The following SERPINB12 variants were observed in gnomAD, a reference collection of about 807,000 sequenced individuals.
SERPINB12 encodes the protein serpin B12.
A neutral mutation model predicts 41.1 loss-of-function variants in SERPINB12; 57 were observed. The observed-to-expected ratio is 1.39, with a 90% confidence interval of 1.12 to 1.73. The LOEUF is 1.73. Ranked by LOEUF, SERPINB12 falls within the 40% of genes most tolerant of loss-of-function variation. SERPINB12 has a pLI of 0.00. For missense variants in SERPINB12, 536 were observed against 501.9 expected (o/e 1.07, Z -0.65); for synonymous variants, 180 against 181.3 (o/e 0.99, Z 0.06).
At chr18:63,533,133 A>T in the SERPINB12 span, among the ~76,000 whole-genome samples, 1 of 152,038 alleles carries the variant, frequency 6.6e-6, no homozygotes, top group Non-Finnish European at 1.5e-5. Context: ...GCCCACCACC[A>T]TGCCTGGCTA....
rs989434055 is a variant in SERPINB12, at chr18:63,568,448, T to C, written c.*1437T>C. ...CTGAAACCCTTGTCAAGAAGGCCAT[T>C]GGGCTCATCTCAAGCTCTAGTCTAC... On this transcript the variant is annotated 3_prime_UTR_variant, in exon 8 of 8. Transcript: ENST00000382768. 2.0e-5 allele frequency among the ~76,000 whole-genome samples: 3 copies of C among 152,086 alleles called. No homozygotes were observed. The highest frequency in any genetic ancestry group is 7.2e-5 in the African/African-American group (3 of 41,428).
At chr18:63,526,527 A>C in the SERPINB12 span, among the ~76,000 whole-genome samples, 2 of 152,350 alleles carry the variant, frequency 1.3e-5, no homozygotes, top group Admixed American at 1.3e-4. Context: ...ATAGTAAAAT[A>C]AAATCATGAC....
chr18:63,525,441 A>G, the SERPINB12 span, among the ~76,000 whole-genome samples: 1 of 152,132 alleles, frequency 6.6e-6, no homozygotes, highest in African/African-American at 2.4e-5. Flanking sequence ...TTTTAGAAAC[A>G]TAGCTTCTCA....
chr18:63,548,431 C>T (rs1157350176), intron 1 of SERPINB12, among the ~76,000 whole-genome samples: 1 of 151,844 alleles, frequency 6.6e-6, no homozygotes, highest in African/African-American at 2.4e-5. Flanking sequence ...AAATACATTA[C>T]CCTCAAGGTT....
chr18:63,542,124 A>C (rs1465139301), upstream of SERPINB12, among the ~76,000 whole-genome samples: 1 of 152,150 alleles, frequency 6.6e-6, no homozygotes, highest in East Asian at 1.9e-4. Flanking sequence ...AGGGACAGAG[A>C]TATGACACTT....
At chr18:63,542,105 G>A (rs1301624824), upstream of SERPINB12, among the ~76,000 whole-genome samples, 1 of 152,116 alleles carries the variant, frequency 6.6e-6, no homozygotes, top group East Asian at 1.9e-4. Flanking sequence ...AAGTTGTTTA[G>A]GGAGAATAAG....
intron 7 of SERPINB12, among the ~76,000 whole-genome samples, chr18:63,566,349 G>A (rs1317935090): frequency 1.3e-5 from 2 of 152,092 alleles, no homozygotes; most frequent in African/African-American, 4.8e-5. Flanking sequence ...TCAACTAATC[G>A]ACTGAGCTTT....
chr18:63,540,293 C>T (rs1489787254), upstream of SERPINB12, among the ~76,000 whole-genome samples: 1 of 152,178 alleles, frequency 6.6e-6, no homozygotes, highest in African/African-American at 2.4e-5. Flanking sequence ...AAAGGCAGTA[C>T]ATTCCATGCA....
At chr18:63,549,731 A>G (rs1413018921) in intron 1 of SERPINB12, among the ~76,000 whole-genome samples, 1 of 152,032 alleles carries the variant, frequency 6.6e-6, no homozygotes, top group Non-Finnish European at 1.5e-5. Context: ...CCTGAGATGG[A>G]CTCTCAGTGC....
rs1911158722 is a variant in SERPINB12 at position 63,567,679 on chromosome 18, C to T, written c.*668C>T. Among the ~76,000 whole-genome samples the T allele has an allele frequency of 6.6e-6, 1 of 152,214 alleles. No individual in the cohort carries two copies. Among genetic ancestry groups the T allele is most frequent in the African/African-American group, 2.4e-5 (1 of 41,460 alleles). On this transcript the variant is annotated 3_prime_UTR_variant, in exon 8 of 8. Transcript: ENST00000382768. ...AATGATATTTGTCTTGTGATTTTGACACTGACCCAGGAAAGTGGCTAGTGG... is the reference window on the plus strand; with the variant it reads ...AATGATATTTGTCTTGTGATTTTGATACTGACCCAGGAAAGTGGCTAGTGG...
chr18:63,561,045 G>A, intron 4 of SERPINB12, 40 bp from the exon 5 acceptor site: 2 of 1,334,882 alleles, frequency 1.5e-6, no homozygotes, highest in Non-Finnish European at 1.1e-6. Flanking sequence ...ATCACTGCCT[G>A]ACTTTATTGC....
At chr18:63,524,634 G>A in the SERPINB12 span, among the ~76,000 whole-genome samples, 9 of 151,926 alleles carry the variant, frequency 5.9e-5, no homozygotes, top group Non-Finnish European at 1.2e-4. Context: ...CATTTGCAAC[G>A]TGCTCAGAAC....
In SERPINB12 at chr18:63,566,706, G is replaced by T. The variant is rs374065223; in HGVS notation, c.973G>T (p.Glu325Ter). The change falls in exon 8 of 8, where the codon GAA (glutamate) becomes TAA (stop). Residue 325 changes from glutamate to a stop codon, truncating the protein, a stop_gained. Coordinates refer to ENST00000382768, the MANE Select transcript of SERPINB12 (RefSeq NM_001307928.2). LOFTEE classifies it high-confidence loss of function. ...VVLSFPRFTL[E>*]DSYDLNSILQ... The stretch of plus-strand genomic sequence containing the variant: ...CCTGTCCTTCCCCCGGTTCACCCTG[G>T]AAGACAGCTATGATCTCAATTCCAT... 1.9e-6 allele frequency: 3 copies of T among 1,614,034 alleles called. No individual in the cohort carries two copies. The highest frequency in any genetic ancestry group is 2.7e-5 in the African/African-American group (2 of 74,910).
chr18:63,523,255 A>G, the SERPINB12 span, among the ~76,000 whole-genome samples: 1 of 152,242 alleles, frequency 6.6e-6, no homozygotes, highest in Non-Finnish European at 1.5e-5. Flanking sequence ...AGAAGCAAAT[A>G]TAGACAGTCA....
rs186968713 is a variant in SERPINB12, at chr18:63,567,312, A to G, written c.*301A>G. Among the ~76,000 whole-genome samples the G allele has an allele frequency of 3.3e-5, 5 of 152,344 alleles. No homozygotes were observed. Among genetic ancestry groups the G allele is most frequent in the Admixed American group, 3.3e-4 (5 of 15,304 alleles). On this transcript the variant is annotated 3_prime_UTR_variant, in exon 8 of 8. Coordinates refer to ENST00000382768, the MANE Select transcript of SERPINB12 (RefSeq NM_001307928.2). ...TACCTCCTTTTGAAGGAATCCTAAA[A>G]GTTCAGGTCATTAGACCATTTCTAA... is the stretch of plus-strand genomic sequence containing the variant.
chr18:63,550,832 T>C (rs1052922324), intron 1 of SERPINB12, among the ~76,000 whole-genome samples: 7 of 152,298 alleles, frequency 4.6e-5, no homozygotes, highest in African/African-American at 1.7e-4. Flanking sequence ...CTTTTGTGTT[T>C]TGGGAGACAG....
At chr18:63,533,442 G>A in the SERPINB12 span, among the ~76,000 whole-genome samples, 1 of 152,136 alleles carries the variant, frequency 6.6e-6, no homozygotes, top group South Asian at 2.1e-4. Context: ...GAACAAATAT[G>A]GCACCCAATT....
At chr18:63,539,267 C>T (rs4462702), upstream of SERPINB12, among the ~76,000 whole-genome samples, 140,744 of 152,198 alleles carry the variant, frequency 0.92, 65,203 homozygotes, top group African/African-American at 0.98. Context: ...GAAAGCATGG[C>T]CTCTATATTC....
At chr18:63,533,298 C>T in the SERPINB12 span, among the ~76,000 whole-genome samples, 29 of 152,250 alleles carry the variant, frequency 1.9e-4, no homozygotes, top group South Asian at 1.5e-3. Flanking sequence ...ATGAATGAAT[C>T]GAACTTAAGT....
Sources: allele counts gnomAD v4.1 joint callset (sites outside exome capture counted in the v4.1 genomes callset), GRCh38; gene constraint gnomAD v4.1.1; transcripts MANE v1.5; gene names NCBI Gene and HGNC (gene_info 2026-07-23, HGNC 2026-07-21).